Variants in FNIP1 observed in about 807,000 individuals in gnomAD.
FNIP1 encodes the protein folliculin-interacting protein 1.
A neutral mutation model predicts 124.5 loss-of-function variants in FNIP1; 40 were observed. That is an observed-to-expected ratio of 0.32 (90% CI 0.25 to 0.42). FNIP1 has a LOEUF of 0.42. FNIP1 is among the 10% of genes least tolerant of loss of function. The probability of loss-of-function intolerance (pLI) is 1.00; values close to 1 mark genes in which losing one functional copy is unlikely to be tolerated. For synonymous variants in FNIP1, 472 were observed against 470.6 expected (o/e 1.00, Z -0.04); for missense variants, 1,176 against 1,403.7 (o/e 0.84, Z 2.59).
At chr5:131,664,326 G>A (rs1767529291) in intron 15 of FNIP1, among the ~76,000 whole-genome samples, 1 of 152,064 alleles carries the variant, frequency 6.6e-6, no homozygotes, top group African/African-American at 2.4e-5. Context: ...ATTAAGAATT[G>A]GGTTTAATGT....
At chr5:131,680,327 T>C (rs762681703) in intron 11 of FNIP1, among the ~76,000 whole-genome samples, 1 of 152,190 alleles carries the variant, frequency 6.6e-6, no homozygotes, top group Non-Finnish European at 1.5e-5. Context: ...TGAAACAATA[T>C]AAACATGATG....
Position 131,679,124 on chromosome 5 carries a change from C to T in FNIP1, c.1254G>A (p.Trp418Ter). The change falls in exon 12 of 18, where the codon TGG becomes TGA. Residue 418 changes from tryptophan to a stop codon, truncating the protein, a stop_gained. Transcript: ENST00000510461. LOFTEE classifies it high-confidence loss of function. ...CTGGAGTCCCCGACATCATTGTAAG[C>T]CAGACAGGTTCTCCAATTCGTGGCA... ...YTMPRIGEPV[W>*]LTMMSGTPEK... 2 of 1,603,438 alleles carry T rather than the reference C, an allele frequency of 1.2e-6. No homozygotes were observed. Among genetic ancestry groups the T allele is most frequent in the Non-Finnish European group, 1.7e-6 (2 of 1,170,892 alleles).
intron 10 of FNIP1, among the ~76,000 whole-genome samples, chr5:131,700,147 C>G (rs1261788014): frequency 6.6e-6 from 1 of 151,800 alleles, no homozygotes; most frequent in Non-Finnish European, 1.5e-5. Context: ...CCATGCCCCG[C>G]TAATTTTTGT....
intron 11 of FNIP1, among the ~76,000 whole-genome samples, chr5:131,689,607 G>C (rs1319683528): frequency 1.3e-5 from 2 of 152,180 alleles, no homozygotes; most frequent in Non-Finnish European, 2.9e-5. Context: ...TTATTTGAAA[G>C]TTGTAAATGT....
chr5:131,769,710 T>C (rs1455792505), intron 1 of FNIP1, among the ~76,000 whole-genome samples: 1 of 152,178 alleles, frequency 6.6e-6, no homozygotes, highest in Non-Finnish European at 1.5e-5. Flanking sequence ...ACAAAATCTG[T>C]TTTTGCAAAA....
intron 1 of FNIP1, among the ~76,000 whole-genome samples, chr5:131,771,907 CT>C (rs1222238004): frequency 1.3e-5 from 2 of 152,164 alleles, no homozygotes; most frequent in African/African-American, 4.8e-5. Context: ...CCTCCTTGCA[CT>C]CTACTCCCTA....
chr5:131,727,928 G>A (rs1322861916), intron 3 of FNIP1, among the ~76,000 whole-genome samples: 17 of 152,056 alleles, frequency 1.1e-4, no homozygotes, highest in Admixed American at 9.2e-4. Context: ...TTTCTCCTTC[G>A]CTTATGAAGC....
chr5:131,778,016 T>G (rs1021299079), intron 1 of FNIP1, among the ~76,000 whole-genome samples: 5 of 152,208 alleles, frequency 3.3e-5, no homozygotes, highest in African/African-American at 1.2e-4. Context: ...CCCATAAACC[T>G]ACTGATCCAT....
At chr5:131,667,970 T>C (rs1269009189) in intron 15 of FNIP1, among the ~76,000 whole-genome samples, 1 of 152,184 alleles carries the variant, frequency 6.6e-6, no homozygotes, top group Non-Finnish European at 1.5e-5. Context: ...ATATGTACAA[T>C]TGAAGGGAGA....
At chr5:131,684,151 T>A (rs79353876) in intron 11 of FNIP1, among the ~76,000 whole-genome samples, 6 of 152,220 alleles carry the variant, frequency 3.9e-5, no homozygotes, top group Non-Finnish European at 8.8e-5. Flanking sequence ...TGCAAAAAAA[T>A]TGGCACTAAA....
At chr5:131,779,157 A>G (rs546541132) in intron 1 of FNIP1, among the ~76,000 whole-genome samples, 26 of 151,944 alleles carry the variant, frequency 1.7e-4, no homozygotes, top group South Asian at 6.2e-4. Context: ...TAAAAAAAAA[A>G]AAAAAGAAAA....
intron 1 of FNIP1, among the ~76,000 whole-genome samples, chr5:131,768,707 G>T (rs187490509): frequency 6.6e-6 from 1 of 152,126 alleles, no homozygotes; most frequent in Non-Finnish European, 1.5e-5. Context: ...CCTGAGGCAG[G>T]AGAATTGCTT....
intron 2 of FNIP1, among the ~76,000 whole-genome samples, chr5:131,733,507 A>G (rs2149552079): frequency 6.6e-6 from 1 of 152,290 alleles, no homozygotes; most frequent in South Asian, 2.1e-4. Context: ...TGTCCCATCG[A>G]TACCTAATTT....
chr5:131,648,275 T>C (rs1766949955), intron 16 of FNIP1, among the ~76,000 whole-genome samples: 1 of 150,950 alleles, frequency 6.6e-6, no homozygotes, highest in African/African-American at 2.4e-5. Flanking sequence ...TGAGCCATGA[T>C]TACTACTGCA....
At chr5:131,729,545 G>A (rs1013518526) in intron 3 of FNIP1, among the ~76,000 whole-genome samples, 6 of 152,198 alleles carry the variant, frequency 3.9e-5, no homozygotes, top group Non-Finnish European at 8.8e-5. Context: ...ACAGACCGAA[G>A]CTGTTCCTAT....
chr5:131,759,178 G>A (rs1238102221), intron 1 of FNIP1, among the ~76,000 whole-genome samples: 2 of 152,014 alleles, frequency 1.3e-5, no homozygotes, highest in Non-Finnish European at 2.9e-5. Context: ...TACCCTTCTC[G>A]ACATTGGCCT....
intron 2 of FNIP1, among the ~76,000 whole-genome samples, chr5:131,733,499 T>C (rs555627425): frequency 3.6e-4 from 55 of 152,314 alleles, no homozygotes; most frequent in Non-Finnish European, 6.6e-4. Context: ...TTGAGATATG[T>C]CCCATCGATA....
At chr5:131,784,984 A>AG (rs1334244528) in intron 1 of FNIP1, among the ~76,000 whole-genome samples, 1 of 142,534 alleles carries the variant, frequency 7.0e-6, no homozygotes, top group Non-Finnish European at 1.5e-5. Context: ...CTATATATAT[A>AG]TCATATATAT....
chr5:131,785,104 T>TATATATC (rs1772144711), intron 1 of FNIP1, among the ~76,000 whole-genome samples: 1 of 14,040 alleles, frequency 7.1e-5, no homozygotes, highest in African/African-American at 2.1e-4. Context: ...TATATGACTA[T>TATATATC]ATATATATCA....
Sources: allele counts gnomAD v4.1 joint callset (sites outside exome capture counted in the v4.1 genomes callset), GRCh38; gene constraint gnomAD v4.1.1; transcripts MANE v1.5; gene names NCBI Gene and HGNC (gene_info 2026-07-23, HGNC 2026-07-21).